The following SUN1 variants were observed in gnomAD, a reference collection of about 807,000 sequenced individuals.
SUN1 encodes the protein SUN domain-containing protein 1.
In SUN1, 61 loss-of-function variants were observed where a neutral mutation model predicts 103.2. The ratio of observed to expected loss-of-function variants is 0.59; its 90% CI spans 0.48 to 0.73. The LOEUF is 0.73. Ranked by LOEUF, SUN1 falls within the 30% of genes least tolerant of loss-of-function variation. The pLI is 0.00. For synonymous variants in SUN1, 490 were observed against 425.7 expected, an observed-to-expected ratio of 1.15 and a Z score of -1.86; for missense variants, 1,052 against 1,034.6, an observed-to-expected ratio of 1.02 and a Z score of -0.23.
At chr7:817,613 T>A in intron 1 of SUN1, 2 of 1,275,316 alleles carry the variant, frequency 1.6e-6, no homozygotes, top group Non-Finnish European at 2.2e-6. Context: ...GCTTCAGTCA[T>A]AGTATTGCCC....
rs572318992 is a variant in SUN1, at chr7:859,568, C to T, written c.1525-560C>T. Among the ~76,000 whole-genome samples the T allele has an allele frequency of 3.9e-5, 6 of 152,234 alleles. No homozygotes were observed. The East Asian group carries it at 5.8e-4, about 15-fold the overall frequency. Reference sequence around the variant, plus strand: ...TGGGCTAGAGAAGGGTGTGTCCACACGTGGAATGTGGGAGGGCAGCTGTGA... The same window carrying T: ...TGGGCTAGAGAAGGGTGTGTCCACATGTGGAATGTGGGAGGGCAGCTGTGA... On this transcript the variant is annotated intron_variant, in intron 13 of 18. Transcript: ENST00000401592.
intron 1 of SUN1, chr7:832,870 G>A (rs1308667905): frequency 2.2e-6 from 1 of 449,834 alleles, no homozygotes; most frequent in Non-Finnish European, 4.0e-6. Flanking sequence ...TTGTGATGTT[G>A]AGAAGATGTC....
chr7:863,570 T>C (rs1188112852), intron 15 of SUN1, among the ~76,000 whole-genome samples: 1 of 152,192 alleles, frequency 6.6e-6, no homozygotes, highest in African/African-American at 2.4e-5. Context: ...GCTATTAACA[T>C]ATTCGCGGTG....
intron 1 of SUN1, among the ~76,000 whole-genome samples, chr7:825,548 A>G (rs749739373): frequency 1.3e-5 from 2 of 152,220 alleles, no homozygotes; most frequent in Non-Finnish European, 2.9e-5. Context: ...AATATGTGGC[A>G]TACAGCCCTT....
chr7:831,555 C>T (rs904013659), upstream of SUN1, among the ~76,000 whole-genome samples: 4 of 152,198 alleles, frequency 2.6e-5, no homozygotes, highest in African/African-American at 9.7e-5. Flanking sequence ...CAGGCGTGAG[C>T]CACCGCACCC....
Position 858,464 on chromosome 7 carries a change from C to T in SUN1, c.1524+507C>T, listed in dbSNP as rs576591180. On this transcript the variant is annotated intron_variant, in intron 13 of 18. Transcript: ENST00000401592. ...TAATTCAGTGCTCCGTAGACTTCCC[C>T]GTTCCAGCACCACTGTGCGTCAGCA... Among the ~76,000 whole-genome samples, 51 of 152,278 alleles carry T rather than the reference C, an allele frequency of 3.3e-4. No homozygotes were observed. In the South Asian group the frequency reaches 6.8e-3, roughly 20 times the overall value.
At chr7:827,160 T>A (rs765534153) in intron 1 of SUN1, among the ~76,000 whole-genome samples, 1 of 152,100 alleles carries the variant, frequency 6.6e-6, no homozygotes, top group African/African-American at 2.4e-5. Context: ...TAGTTGGGAC[T>A]ACAGGCACGT....
At chr7:859,927 C>G (rs1283650349) in intron 13 of SUN1, among the ~76,000 whole-genome samples, 1 of 152,134 alleles carries the variant, frequency 6.6e-6, no homozygotes, top group African/African-American at 2.4e-5. Context: ...CCCACGAGCT[C>G]ACCTATTTCT....
chr7:844,020 C>G, intron 5 of SUN1: 2 of 423,544 alleles, frequency 4.7e-6, no homozygotes, highest in Non-Finnish European at 6.5e-6. Flanking sequence ...ACACGTGACT[C>G]TGGTTTGTTC....
At chr7:861,826 C>G (rs1018213168) in intron 15 of SUN1, among the ~76,000 whole-genome samples, 3 of 152,244 alleles carry the variant, frequency 2.0e-5, no homozygotes, top group Non-Finnish European at 4.4e-5. Flanking sequence ...GGCGTCCACT[C>G]AGCAGCAAGA....
rs766319627 is a variant in SUN1 at position 843,450 on chromosome 7, C to T, written c.588C>T (p.Asp196=). The change falls in exon 5 of 19, where the codon GAC becomes GAT. Residue 196 remains aspartate, a synonymous_variant. Transcript: ENST00000401592. ...SNCSMLSERK[D]VLTAHPAAPG... is the part of the protein sequence containing the mutation. ...GCAGCATGCTGTCCGAGCGCAAGGACGTGCTCACGGCGCACCCCGCGGCCC... is the reference window on the plus strand; with the variant it reads ...GCAGCATGCTGTCCGAGCGCAAGGATGTGCTCACGGCGCACCCCGCGGCCC... The T allele has an allele frequency of 3.1e-6, 5 of 1,614,042 alleles. No homozygotes were observed. The highest frequency in any genetic ancestry group is 2.2e-5 in the South Asian group (2 of 91,078).
chr7:827,563 G>T (rs1352839720), upstream of SUN1, among the ~76,000 whole-genome samples: 4 of 146,600 alleles, frequency 2.7e-5, no homozygotes, highest in Admixed American at 1.4e-4. Context: ...TCCACCTCCC[G>T]GGTTCACGCC....
chr7:831,336 A>G (rs1455253346), upstream of SUN1, among the ~76,000 whole-genome samples: 9 of 149,160 alleles, frequency 6.0e-5, no homozygotes. Context: ...CAGTGGTACG[A>G]TCTCGGCTCA....
intron 1 of SUN1, among the ~76,000 whole-genome samples, chr7:822,138 C>G (rs1786729229): frequency 6.6e-6 from 1 of 152,174 alleles, no homozygotes; most frequent in African/African-American, 2.4e-5. Context: ...TAGGAAGTGT[C>G]AGATGAAAAT....
In SUN1 at chr7:860,057, G is replaced by A. The variant is rs1831004640; in HGVS notation, c.1525-71G>A. ...TATATAATTCTTCTGAGGTATCTAA[G>A]ATAATGGACCCGAACAGTGGAAGTG... On this transcript the variant is annotated intron_variant, in intron 13 of 18. Coordinates refer to ENST00000401592, the MANE Select transcript of SUN1 (RefSeq NM_001130965.3). 1.1e-5 allele frequency: 17 copies of A among 1,562,950 alleles called. No homozygotes were observed. In the South Asian group the frequency reaches 1.8e-4, roughly 16 times the overall value.
In SUN1 at chr7:848,301, T is replaced by C. The variant is rs765165651; in HGVS notation, c.659-3083T>C. 5.6e-5 allele frequency: 51 copies of C among 913,414 alleles called. No homozygotes were observed. In the Middle Eastern group the frequency reaches 2.6e-3, roughly 47 times the overall value. 56.6% of individuals were successfully genotyped at this position (913,414 alleles called of 1,614,324 possible). Reference sequence around the variant, plus strand: ...CCAGCTGGGCTCTTCCCCAAGTGATTATCTTTGGTGTCCATTCTAAAAGTG... The same window carrying C: ...CCAGCTGGGCTCTTCCCCAAGTGATCATCTTTGGTGTCCATTCTAAAAGTG... On this transcript the variant is annotated intron_variant, in intron 5 of 18. Transcript: ENST00000401592.
At chr7:817,557 TG>T in intron 1 of SUN1, 1 of 1,526,816 alleles carries the variant, frequency 6.5e-7, no homozygotes. Flanking sequence ...TTGCTGCGTC[TG>T]GCTCTGATTC....
intron 5 of SUN1, chr7:849,500 C>T (rs1394569463): frequency 2.2e-6 from 3 of 1,358,200 alleles, no homozygotes; most frequent in African/African-American, 1.5e-5. Context: ...TTCCCTAAGC[C>T]TCTTTTGCGT....
chr7:836,601 C>A (rs1584380266), intron 1 of SUN1, among the ~76,000 whole-genome samples: 1 of 152,176 alleles, frequency 6.6e-6, no homozygotes, highest in East Asian at 1.9e-4. Flanking sequence ...GTTCCAGGTC[C>A]AGGCTGTCCA....
Sources: allele counts gnomAD v4.1 joint callset (sites outside exome capture counted in the v4.1 genomes callset), GRCh38; gene constraint gnomAD v4.1.1; transcripts MANE v1.5; gene names NCBI Gene and HGNC (gene_info 2026-07-23, HGNC 2026-07-21).